The following SMAD5 variants were observed in gnomAD, a reference collection of about 807,000 sequenced individuals.
SMAD5 encodes the protein SMAD family member 5.
SMAD5 carries 9 observed loss-of-function variants against 43.1 expected under a neutral mutation model. That is an observed-to-expected ratio of 0.21 (90% confidence interval 0.13 to 0.36). The LOEUF (loss-of-function observed/expected upper bound fraction) is 0.36. Ranked by LOEUF, SMAD5 falls within the 10% of genes least tolerant of loss-of-function variation. SMAD5 has a pLI of 1.00. For missense variants in SMAD5, 348 were observed against 574.0 expected (o/e 0.61, Z 4.02); for synonymous variants, 190 against 192.4 (o/e 0.99, Z 0.10).
intron 2 of SMAD5, among the ~76,000 whole-genome samples, chr5:136,150,307 G>T (rs1753412213): frequency 6.6e-6 from 1 of 151,724 alleles, no homozygotes. Context: ...AATTCTGTGG[G>T]TAGAATTCTC....
chr5:136,138,683 C>T (rs1752969034), intron 1 of SMAD5, among the ~76,000 whole-genome samples: 1 of 151,976 alleles, frequency 6.6e-6, no homozygotes, highest in African/African-American at 2.4e-5. Context: ...CCCCCACATC[C>T]CCCCTGCCCC....
intron 1 of SMAD5, among the ~76,000 whole-genome samples, chr5:136,139,513 CCTT>C (rs1379051590): frequency 6.6e-6 from 1 of 152,076 alleles, no homozygotes; most frequent in Non-Finnish European, 1.5e-5. Flanking sequence ...CCCATGATCT[CCTT>C]CATCAGGAAG....
intron 3 of SMAD5, among the ~76,000 whole-genome samples, chr5:136,158,657 T>C (rs1753722514): frequency 6.6e-6 from 1 of 152,106 alleles, no homozygotes; most frequent in Non-Finnish European, 1.5e-5. Flanking sequence ...CCCAGCACTT[T>C]GGGAGGCCGA....
At chr5:136,147,804 T>C (rs1753311208) in intron 1 of SMAD5, 28 bp from the exon 2 acceptor site, 1 of 146,856 alleles carries the variant, frequency 6.8e-6, no homozygotes, top group Non-Finnish European at 1.5e-5. Flanking sequence ...TATGATTCCT[T>C]TGCTTAAGCA....
At chr5:136,153,294 G>A (rs1753527236) in intron 2 of SMAD5, among the ~76,000 whole-genome samples, 1 of 152,108 alleles carries the variant, frequency 6.6e-6, no homozygotes, top group African/African-American at 2.4e-5. Context: ...GAGTGTTTTA[G>A]GGTTTAGTGG....
rs1330126687 is a variant in SMAD5, at chr5:136,163,356, T to C, written c.740T>C (p.Met247Thr). ...CAGCCTATGGATACAAGCAATAATA[T>C]GATTCCTCAGATTATGCCCAGTATA... ...NSQPMDTSNN[M>T]IPQIMPSISS... The change falls in exon 5 of 8, where the codon ATG (methionine) becomes ACG (threonine). Residue 247 changes from methionine to threonine, a missense_variant. Transcript: ENST00000545279. 1.2e-6 allele frequency: 2 copies of C among 1,611,400 alleles called. No homozygotes were observed. Among genetic ancestry groups the C allele is most frequent in the African/African-American group, 1.3e-5 (1 of 74,856 alleles).
chr5:136,151,667 C>T (rs751519559), intron 2 of SMAD5, among the ~76,000 whole-genome samples: 18 of 152,000 alleles, frequency 1.2e-4, no homozygotes, highest in Non-Finnish European at 2.2e-4. Flanking sequence ...CTCTGTTGCT[C>T]ATACACATAC....
chr5:136,164,889 G>C (rs1028306216), intron 5 of SMAD5, among the ~76,000 whole-genome samples: 7 of 152,122 alleles, frequency 4.6e-5, no homozygotes, highest in Non-Finnish European at 7.4e-5. Context: ...AGTTAAGTTT[G>C]TATGTGGTAT....
chr5:136,160,205 A>G (rs1753779011), intron 3 of SMAD5, among the ~76,000 whole-genome samples: 1 of 152,250 alleles, frequency 6.6e-6, no homozygotes, highest in Non-Finnish European at 1.5e-5. Flanking sequence ...GCTTTTACCT[A>G]GAGAATATTA....
chr5:136,172,597 G>A lies in SMAD5; in HGVS notation c.939G>A (p.Leu313=). ...SNNKSRFCLG[L]LSNVNRNSTI... ...ACAAAAGTAGATTCTGCTTGGGTTTGTTGTCAAATGTTAATCGTAATTCGA... is the reference window on the plus strand; with the variant it reads ...ACAAAAGTAGATTCTGCTTGGGTTTATTGTCAAATGTTAATCGTAATTCGA... The change falls in exon 6 of 8, where the codon TTG becomes TTA. Residue 313 remains leucine (L), a synonymous_variant. Transcript: ENST00000545279. 1 of 1,613,420 alleles carries A rather than the reference G, an allele frequency of 6.2e-7. No individual in the cohort carries two copies. Among genetic ancestry groups the A allele is most frequent in the Non-Finnish European group, 8.5e-7 (1 of 1,179,414 alleles).
intron 2 of SMAD5, among the ~76,000 whole-genome samples, chr5:136,149,793 C>T (rs1474642759): frequency 6.6e-6 from 1 of 151,828 alleles, no homozygotes; most frequent in Non-Finnish European, 1.5e-5. Context: ...ATAATTTCAT[C>T]AAAAGTGCTA....
chr5:136,181,177 A>G lies in SMAD5; in HGVS notation c.*3697A>G, dbSNP rs2149785332. On this transcript the variant is annotated 3_prime_UTR_variant, in exon 8 of 8. Coordinates refer to ENST00000545279, the MANE Select transcript of SMAD5 (RefSeq NM_005903.7). ...TTGCTTAATAGTACTTTGGATGATT[A>G]TCACCTTTGCCACTTAAAATATATA... 6.6e-6 allele frequency: 1 copy of G among 152,280 alleles called. No homozygotes were observed. The highest frequency in any genetic ancestry group is 6.5e-5 in the Admixed American group (1 of 15,296). 9.4% of individuals were successfully genotyped at this position (152,280 alleles called of 1,614,324 possible).
intron 1 of SMAD5, 45 bp from the exon 2 acceptor site, chr5:136,147,784 AAAG>A (rs1207234231): frequency 6.6e-6 from 1 of 151,598 alleles, no homozygotes; most frequent in Non-Finnish European, 1.5e-5. Context: ...TACCATTATC[AAAG>A]GAGTATTATG....
At chr5:136,145,668 A>G (rs1044088022) in intron 1 of SMAD5, among the ~76,000 whole-genome samples, 7 of 151,976 alleles carry the variant, frequency 4.6e-5, no homozygotes, top group African/African-American at 1.7e-4. Context: ...GATTATTACA[A>G]CAATAATAAC....
chr5:136,162,391 A>G (rs1753852380), intron 4 of SMAD5, among the ~76,000 whole-genome samples: 1 of 152,256 alleles, frequency 6.6e-6, no homozygotes. Flanking sequence ...ACAAAACATT[A>G]TTCAAGGACC....
chr5:136,143,174 T>G (rs534779688), intron 1 of SMAD5, among the ~76,000 whole-genome samples: 32 of 152,152 alleles, frequency 2.1e-4, no homozygotes, highest in African/African-American at 7.7e-4. Flanking sequence ...TAACTAGAGT[T>G]ACCCTTTGGT....
intron 1 of SMAD5, among the ~76,000 whole-genome samples, chr5:136,141,854 G>T (rs1324794984): frequency 6.6e-6 from 1 of 152,292 alleles, no homozygotes; most frequent in East Asian, 1.9e-4. Flanking sequence ...ATATTAGAGA[G>T]AATTGTTTTG....
chr5:136,150,618 A>G (rs1368249583), intron 2 of SMAD5, among the ~76,000 whole-genome samples: 1 of 152,002 alleles, frequency 6.6e-6, no homozygotes, highest in Non-Finnish European at 1.5e-5. Context: ...GGAGCTCATC[A>G]TTAAGAATGA....
chr5:136,169,299 C>G (rs189802243), intron 5 of SMAD5, among the ~76,000 whole-genome samples: 2 of 152,182 alleles, frequency 1.3e-5, no homozygotes, highest in Non-Finnish European at 2.9e-5. Context: ...ATCCTAGCCA[C>G]GCTGGCAGCT....
Sources: allele counts gnomAD v4.1 joint callset (sites outside exome capture counted in the v4.1 genomes callset), GRCh38; gene constraint gnomAD v4.1.1; transcripts MANE v1.5; gene names NCBI Gene and HGNC (gene_info 2026-07-23, HGNC 2026-07-21).